FANCC: variants seen among roughly 807,000 people sequenced by gnomAD.
The protein encoded by FANCC is Fanconi anemia group C protein.
Under a neutral mutation model 71.3 loss-of-function variants are expected in FANCC, and 55 were observed. The observed-to-expected ratio is 0.77, with a 90% CI of 0.62 to 0.97. The LOEUF is 0.97. FANCC is among the 50% of genes least tolerant of loss of function. The pLI, the probability that FANCC is intolerant of heterozygous loss-of-function variation, is 0.00. For missense variants in FANCC, 678 were observed against 670.9 expected (o/e 1.01, Z -0.12); for synonymous variants, 275 against 244.9 (o/e 1.12, Z -1.15).
intron 1 of FANCC, among the ~76,000 whole-genome samples, chr9:95,291,408 T>C (rs929784566): frequency 6.6e-6 from 1 of 152,084 alleles, no homozygotes; most frequent in Non-Finnish European, 1.5e-5. Flanking sequence ...CAAAAATCAT[T>C]AGTGTTTCTA....
intron 8 of FANCC, among the ~76,000 whole-genome samples, chr9:95,132,953 G>A (rs751687434): frequency 6.6e-6 from 1 of 152,202 alleles, no homozygotes; most frequent in Non-Finnish European, 1.5e-5. Context: ...CACAAGTTAT[G>A]TAGACCATCA....
At chr9:95,120,536 C>G (rs150113794) in intron 10 of FANCC, among the ~76,000 whole-genome samples, 61 of 151,992 alleles carry the variant, frequency 4.0e-4, no homozygotes, top group Non-Finnish European at 3.2e-4. Flanking sequence ...CACTTCACCC[C>G]CCGAGTAGCC....
intron 1 of FANCC, among the ~76,000 whole-genome samples, chr9:95,290,832 A>C (rs1164255175): frequency 1.3e-5 from 2 of 152,200 alleles, no homozygotes; most frequent in African/African-American, 4.8e-5. Context: ...CACTCAACAC[A>C]ACACTAGCAA....
intron 4 of FANCC, among the ~76,000 whole-genome samples, chr9:95,184,869 T>C (rs553744122): frequency 6.6e-6 from 1 of 152,356 alleles, no homozygotes; most frequent in South Asian, 2.1e-4. Context: ...CAATCACCTC[T>C]GGCTGAACGT....
At chr9:95,147,998 A>C (rs1588174749) in intron 7 of FANCC, among the ~76,000 whole-genome samples, 1 of 152,222 alleles carries the variant, frequency 6.6e-6, no homozygotes. Flanking sequence ...TTTTCCTGGA[A>C]TAACCGTGTT....
At chr9:95,148,116 C>T (rs544989650) in intron 7 of FANCC, among the ~76,000 whole-genome samples, 1 of 152,318 alleles carries the variant, frequency 6.6e-6, no homozygotes, top group South Asian at 2.1e-4. Flanking sequence ...CACACACACA[C>T]AGTCGAAACA....
In FANCC at chr9:95,107,175, G is replaced by T. The variant is rs2071513704; in HGVS notation, c.1424C>A (p.Thr475Lys). The part of the protein sequence containing the change: ...QDLQTVAGQG[T>K]DTDLRAPAQQ... Reference sequence around the variant, plus strand: ...TGCAGGAGCTCTGAGGTCTGTGTCTGTGCCCTGTCCTGCTACCGTCTGCAG... The same window carrying T: ...TGCAGGAGCTCTGAGGTCTGTGTCTTTGCCCTGTCCTGCTACCGTCTGCAG... The change falls in exon 14 of 15, where the codon ACA (threonine) becomes AAA (lysine). Residue 475 changes from threonine to lysine, a missense_variant. Physicochemically the swap from Thr to Lys is moderately conservative, Grantham distance 78 (BLOSUM62 -1). Coordinates refer to ENST00000289081, the MANE Select transcript of FANCC (RefSeq NM_000136.3). 5.0e-6 allele frequency: 8 copies of T among 1,614,222 alleles called. No individual in the cohort carries two copies. The highest frequency in any genetic ancestry group is 5.9e-6 in the Non-Finnish European group (7 of 1,180,042).
chr9:95,244,084 CACAG>C (rs1475018226), intron 3 of FANCC, among the ~76,000 whole-genome samples: 1 of 152,220 alleles, frequency 6.6e-6, no homozygotes, highest in Non-Finnish European at 1.5e-5. Flanking sequence ...AAGGAAAGAT[CACAG>C]ACAGATACAA....
At chr9:95,195,503 A>G (rs2135768074) in intron 4 of FANCC, among the ~76,000 whole-genome samples, 1 of 152,238 alleles carries the variant, frequency 6.6e-6, no homozygotes, top group East Asian at 1.9e-4. Flanking sequence ...ATATCACAGG[A>G]TCTAATTATT....
intron 1 of FANCC, among the ~76,000 whole-genome samples, chr9:95,255,720 G>T (rs1188273673): frequency 6.6e-6 from 1 of 151,976 alleles, no homozygotes; most frequent in African/African-American, 2.4e-5. Context: ...ACAGAAGTAG[G>T]CTTCAGAAGG....
chr9:95,126,055 A>C (rs1490835922), intron 9 of FANCC, among the ~76,000 whole-genome samples: 1 of 152,256 alleles, frequency 6.6e-6, no homozygotes, highest in East Asian at 1.9e-4. Flanking sequence ...TTCAAAATAA[A>C]AATGTAATGT....
intron 7 of FANCC, among the ~76,000 whole-genome samples, chr9:95,138,594 T>G (rs1372068117): frequency 6.6e-6 from 1 of 152,158 alleles, no homozygotes; most frequent in African/African-American, 2.4e-5. Flanking sequence ...TTTTTCAGGA[T>G]CCATGTAACA....
chr9:95,147,010 T>A (rs1829660683), intron 7 of FANCC, among the ~76,000 whole-genome samples: 1 of 150,716 alleles, frequency 6.6e-6, no homozygotes, highest in South Asian at 2.1e-4. Context: ...TTAGATAATT[T>A]TATTAGATAT....
chr9:95,292,639 A>G, intron 1 of FANCC: 1 of 1,405,742 alleles, frequency 7.1e-7, no homozygotes, highest in Non-Finnish European at 1.0e-6. Context: ...CCCGCGCTCA[A>G]CATGCACCTG....
chr9:95,261,029 A>G (rs953724750), intron 1 of FANCC, among the ~76,000 whole-genome samples: 1 of 151,842 alleles, frequency 6.6e-6, no homozygotes, highest in African/African-American at 2.4e-5. Flanking sequence ...TGCTGTCTGG[A>G]CCCCCTATCT....
chr9:95,128,548 A>G (rs1826366392), intron 8 of FANCC, among the ~76,000 whole-genome samples: 1 of 152,258 alleles, frequency 6.6e-6, no homozygotes, highest in Non-Finnish European at 1.5e-5. Flanking sequence ...AAAGAAAATG[A>G]TGATCAGATG....
chr9:95,156,808 A>T (rs946811429), intron 6 of FANCC, among the ~76,000 whole-genome samples: 2 of 152,214 alleles, frequency 1.3e-5, no homozygotes, highest in African/African-American at 4.8e-5. Context: ...ACAGCTGTCA[A>T]CCACGCTGCA....
intron 4 of FANCC, among the ~76,000 whole-genome samples, chr9:95,192,209 G>A (rs1564739373): frequency 6.6e-6 from 1 of 152,188 alleles, no homozygotes. Flanking sequence ...ACGACAGGAG[G>A]AGCAGGGACA....
intron 4 of FANCC, among the ~76,000 whole-genome samples, chr9:95,191,945 C>G (rs1827141815): frequency 6.6e-6 from 1 of 152,100 alleles, no homozygotes; most frequent in Admixed American, 6.5e-5. Flanking sequence ...TTGCTTCCTC[C>G]CCCGAGATCC....
Sources: gnomAD v4.1 joint callset for allele counts (sites outside exome capture counted in the v4.1 genomes callset) on GRCh38, gnomAD v4.1.1 for gene constraint, MANE v1.5 for transcripts, NCBI Gene and HGNC (gene_info 2026-07-23, HGNC 2026-07-21) for gene names.